BRD3: variants seen among roughly 807,000 people sequenced by gnomAD.
BRD3 encodes bromodomain-containing protein 3.
A neutral mutation model predicts 66.8 loss-of-function variants in BRD3; 17 were observed. The observed-to-expected ratio is 0.25, with a 90% CI of 0.17 to 0.38. BRD3 has a LOEUF of 0.38. BRD3 is among the 10% of genes least tolerant of loss of function. The probability of loss-of-function intolerance (pLI) is 1.00; values close to 1 mark genes in which losing one functional copy is unlikely to be tolerated. For synonymous variants in BRD3, 421 were observed against 393.2 expected (o/e 1.07, Z -0.84); for missense variants, 713 against 956.1 (o/e 0.75, Z 3.35).
chr9:134,042,764 TAC>T (rs1043427352), intron 7 of BRD3, among the ~76,000 whole-genome samples: 11 of 141,064 alleles, frequency 7.8e-5, no homozygotes, highest in Non-Finnish European at 1.2e-4. Context: ...TACACATATA[TAC>T]ACACACACAT....
intron 1 of BRD3, among the ~76,000 whole-genome samples, chr9:134,063,366 G>C (rs1365803182): frequency 6.6e-6 from 1 of 152,204 alleles, no homozygotes; most frequent in Non-Finnish European, 1.5e-5. Context: ...AGCATACCCA[G>C]GGCTCTGTCC....
chr9:134,058,160 C>T lies in BRD3; in HGVS notation c.-113-4570G>A, dbSNP rs931185864. The T allele has an allele frequency of 5.3e-5, 8 of 152,346 alleles. No homozygotes were observed. The South Asian group carries it at 1.7e-3, about 31-fold the overall frequency. 9.4% of individuals were successfully genotyped at this position (152,346 alleles called of 1,614,324 possible). On this transcript the variant is annotated intron_variant, in intron 1 of 11. Transcript: ENST00000303407. ...CTTCCCACCACAGCCCATGCGCAGG[C>T]ATGAGAGTCATGCCTCCCGCAGGCC...
intron 6 of BRD3, among the ~76,000 whole-genome samples, chr9:134,046,775 C>CCAGGA (rs1432068456): frequency 6.6e-6 from 1 of 152,200 alleles, no homozygotes; most frequent in Non-Finnish European, 1.5e-5. Flanking sequence ...CCATGCCATG[C>CCAGGA]CAGGACAGAT....
In BRD3 at chr9:134,033,623, G is replaced by A. The variant is rs143290331; in HGVS notation, c.2148C>T (p.Ser716=). 2.1e-5 allele frequency: 16 copies of A among 770,328 alleles called. No homozygotes were observed. The highest frequency in any genetic ancestry group is 1.7e-4 in the African/African-American group (10 of 59,134). The allele number at this position is 770,328 out of a possible 1,614,324, so 47.7% of individuals were successfully genotyped here. The change falls in exon 12 of 12, where the codon AGC becomes AGT. Residue 716 remains serine (S), a synonymous_variant. Coordinates refer to ENST00000303407, the MANE Select transcript of BRD3 (RefSeq NM_007371.4). The surrounding 1 kb of genome is among the most constrained non-coding windows in gnomAD (Gnocchi z 5.1). ...SSSESGSSSS[S]GSSSDSSDSE ...AGTCACTGCTGTCAGAGCTGGACCC[G>A]CTGGAGCTGCTGCTCCCAGACTCGG...
Position 134,051,719 on chromosome 9 carries a change from C to G in BRD3, c.352-10G>C, listed in dbSNP as rs1830300357. On this transcript the variant is annotated splice_polypyrimidine_tract_variant and intron_variant, in intron 3 of 11. Coordinates refer to ENST00000303407, the MANE Select transcript of BRD3 (RefSeq NM_007371.4). ...CTATGTCATCTGTGGGCTGAAGACA[C>G]AGAGAGTCCAGGTCACGTGTCAGGA... 6.3e-7 allele frequency: 1 copy of G among 1,590,124 alleles called. No individual in the cohort carries two copies. The highest frequency in any genetic ancestry group is 1.4e-5 in the African/African-American group (1 of 73,000).
Position 134,051,674 on chromosome 9 carries a change from TA to T in BRD3, c.386del (p.Leu129Ter). On this transcript the variant is annotated frameshift_variant, in exon 4 of 12. Coordinates refer to ENST00000303407, the MANE Select transcript of BRD3 (RefSeq NM_007371.4). LOFTEE classifies it high-confidence loss of function. ...CCACTTTTTGTAGAAAAATTTTCTC[TA>T]AAGCTTGGGCCATTAGCACTATGTC... ...TDDIVLMAQA[L>X]EKIFLQKVAQ... 6.3e-7 allele frequency: 1 copy of T among 1,587,550 alleles called. No individual in the cohort carries two copies. Among genetic ancestry groups the T allele is most frequent in the Non-Finnish European group, 8.5e-7 (1 of 1,170,804 alleles).
chr9:134,048,391 G>A lies in BRD3; in HGVS notation c.778C>T (p.Arg260Trp), dbSNP rs1463988244. 10 of 1,598,378 alleles carry A rather than the reference G, an allele frequency of 6.3e-6. No individual in the cohort carries two copies. Among genetic ancestry groups the A allele is most frequent in the Admixed American group, 1.7e-5 (1 of 59,996 alleles). The change falls in exon 6 of 12, where the codon CGG (arginine) becomes TGG (tryptophan). Residue 260 changes from arginine to tryptophan, a missense_variant. By Grantham distance (101) the Arg-to-Trp change is moderately radical (BLOSUM62 -3). This residue lies in a region of BRD3 where 418 missense variants were observed against 609.3 expected (regional missense o/e 0.69). Coordinates refer to ENST00000303407, the MANE Select transcript of BRD3 (RefSeq NM_007371.4). ...TPTTSAITAS[R>W]SESPPPLSDP... ...GACAACGGCGGGGGCGACTCACTCC[G>A]GCTGGCAGTGATGGCCGACGTCGTG...
At chr9:134,052,237 C>T in intron 3 of BRD3, 69 bp downstream of exon 3, 2 of 1,576,326 alleles carry the variant, frequency 1.3e-6, no homozygotes, top group Non-Finnish European at 1.7e-6. Flanking sequence ...GCAAAGCGCC[C>T]AGGCCCACTG....
chr9:134,030,740 ATG>A lies in BRD3; in HGVS notation c.*2848_*2849del, dbSNP rs1242215295. The A allele has an allele frequency of 8.6e-6, 2 of 232,100 alleles. No individual in the cohort carries two copies. The highest frequency in any genetic ancestry group is 8.5e-6 in the Non-Finnish European group (1 of 117,304). The allele number at this position is 232,100 out of a possible 1,614,324, so 14.4% of individuals were successfully genotyped here. A position where few individuals can be genotyped will look rare whatever the true frequency, so the allele number is the denominator to read the frequency against. Reference sequence around the variant, plus strand: ...ACAACAAAAACAAACACACAAAAAAATGTGTCTTACAGTTTGTAAGCAAGATG... The same window carrying A: ...ACAACAAAAACAAACACACAAAAAAATGTCTTACAGTTTGTAAGCAAGATG... On this transcript the variant is annotated 3_prime_UTR_variant, in exon 12 of 12. Coordinates refer to ENST00000303407, the MANE Select transcript of BRD3 (RefSeq NM_007371.4).
In BRD3 at chr9:134,045,467, C is replaced by T; in HGVS notation, c.1087-46G>A. ...GGCCAGTGAGCGTGGCCCGTGGCATCAGGACTCTCTGCCACACCCCACGAG... is the reference window on the plus strand; with the variant it reads ...GGCCAGTGAGCGTGGCCCGTGGCATTAGGACTCTCTGCCACACCCCACGAG... On this transcript the variant is annotated intron_variant, in intron 6 of 11. Transcript: ENST00000303407. The surrounding 1 kb of genome is among the most constrained non-coding windows in gnomAD (Gnocchi z 4.8). The T allele has an allele frequency of 1.2e-6, 2 of 1,610,506 alleles. No homozygotes were observed. Among genetic ancestry groups the T allele is most frequent in the Non-Finnish European group, 1.7e-6 (2 of 1,178,218 alleles).
chr9:134,048,086 C>A lies in BRD3; in HGVS notation c.1083G>T (p.Val361=). The change falls in exon 6 of 12, where the codon GTG becomes GTT. Residue 361 remains valine, a synonymous_variant. Transcript: ENST00000303407. ...IIKHPMDLST[V]KRKMDGREYP... is the part of the protein sequence containing the mutation. The stretch of plus-strand genomic sequence containing the variant: ...GGCCTGCCGCGCGGCCACGTACTTT[C>A]ACGGTGCTGAGGTCCATCGGGTGCT... 1 of 1,563,674 alleles carries A rather than the reference C, an allele frequency of 6.4e-7. No homozygotes were observed. Among genetic ancestry groups the A allele is most frequent in the Non-Finnish European group, 8.7e-7 (1 of 1,152,794 alleles).
chr9:134,051,840 T>C lies in BRD3; in HGVS notation c.352-131A>G, dbSNP rs1316182196. The C allele has an allele frequency of 3.7e-6, 3 of 816,622 alleles. No homozygotes were observed. The African/African-American group carries it at 5.8e-5, about 16-fold the overall frequency. The allele number at this position is 816,622 out of a possible 1,614,324, so 50.6% of individuals were successfully genotyped here. A position where few individuals can be genotyped will look rare whatever the true frequency, so the allele number is the denominator to read the frequency against. ...TTTGGCAGCGCAGGAGAGAACAAAA[T>C]GAATATATGTGTGTGTGTGTGTGTG... is the stretch of plus-strand genomic sequence containing the variant. On this transcript the variant is annotated intron_variant, in intron 3 of 11. Coordinates refer to ENST00000303407, the MANE Select transcript of BRD3 (RefSeq NM_007371.4).
rs1353916687 is a variant in BRD3 at position 134,048,357 on chromosome 9, T to C, written c.812A>G (p.Lys271Arg). The C allele has an allele frequency of 6.3e-7, 1 of 1,599,158 alleles. No homozygotes were observed. The highest frequency in any genetic ancestry group is 1.3e-5 in the African/African-American group (1 of 74,932). The change falls in exon 6 of 12, where the codon AAG becomes AGG. Residue 271 changes from lysine (K) to arginine (R), a missense_variant. By Grantham distance (26) the Lys-to-Arg change is conservative. Transcript: ENST00000303407. ...SESPPPLSDP[K>R]QAKVVARRES... ...CCGCCGGGCCACCACTTTGGCCTGCTTGGGGTCTGACAACGGCGGGGGCGA... is the reference window on the plus strand; with the variant it reads ...CCGCCGGGCCACCACTTTGGCCTGCCTGGGGTCTGACAACGGCGGGGGCGA...
In BRD3 at chr9:134,053,335, T is replaced by C; in HGVS notation, c.143A>G (p.Lys48Arg). 1 of 1,613,724 alleles carries C rather than the reference T, an allele frequency of 6.2e-7. No individual in the cohort carries two copies. The highest frequency in any genetic ancestry group is 8.5e-7 in the Non-Finnish European group (1 of 1,180,008). ...QLQYMQNVVV[K>R]TLWKHQFAWP... ...GGCGAACTGGTGTTTCCAGAGCGTC[T>C]TCACCACCACATTCTGCATGTACTG... The change falls in exon 2 of 12, where the codon AAG becomes AGG. Residue 48 changes from lysine (K) to arginine (R), a missense_variant. Lys to Arg is a conservative substitution (Grantham distance 26). Transcript: ENST00000303407.
chr9:134,048,146 C>A lies in BRD3; in HGVS notation c.1023G>T (p.Glu341Asp). The A allele has an allele frequency of 6.2e-7, 1 of 1,609,048 alleles. No homozygotes were observed. Among genetic ancestry groups the A allele is most frequent in the Non-Finnish European group, 8.5e-7 (1 of 1,178,030 alleles). The change falls in exon 6 of 12, where the codon GAG becomes GAT. Residue 341 changes from glutamate (E) to aspartate (D), a missense_variant. Glu to Asp is a conservative substitution (Grantham distance 45). Transcript: ENST00000303407. ...CGTGGTAGTCGTGCAGCTCCAGGGC[C>A]TCGGCATCCACTGGCTTGTAGAAGG... ...AWPFYKPVDA[E>D]ALELHDYHDI...
chr9:134,051,960 G>A (rs1830316076), intron 3 of BRD3, among the ~76,000 whole-genome samples: 1 of 143,620 alleles, frequency 7.0e-6, no homozygotes, highest in East Asian at 2.2e-4. Flanking sequence ...GCATGATCTC[G>A]GCTCACTGCA....
At chr9:134,062,339 G>C (rs1053434842) in intron 1 of BRD3, among the ~76,000 whole-genome samples, 2 of 152,128 alleles carry the variant, frequency 1.3e-5, no homozygotes, top group Admixed American at 6.5e-5. Context: ...GGCTATCCTG[G>C]GGCATGGCCC....
At position 134,036,104 on chromosome 9, in the gene BRD3, T is replaced by G; in HGVS notation, c.1864A>C (p.Lys622Gln). The change falls in exon 10 of 12, where the codon AAA becomes CAA. Residue 622 changes from lysine to glutamine, a missense_variant. By Grantham distance (53) the Lys-to-Gln change is moderately conservative. Coordinates refer to ENST00000303407, the MANE Select transcript of BRD3 (RefSeq NM_007371.4). ...DEIEIDFETL[K>Q]PTTLRELERY... ...TCCAGTTCCCGCAAAGTGGTGGGTT[T>G]CAGAGTCTCAAAGTCAATTTCTATC... is the stretch of plus-strand genomic sequence containing the variant. 6.2e-7 allele frequency: 1 copy of G among 1,614,214 alleles called. No homozygotes were observed.
chr9:134,047,717 G>A lies in BRD3; in HGVS notation c.1086+366C>T, dbSNP rs73560511. Reference sequence around the variant, plus strand: ...CTGCTGTGAGGCGCCTGTATCCGGGGCTTGAGGGAAGCAAAGTGCAGCTTT... The same window carrying A: ...CTGCTGTGAGGCGCCTGTATCCGGGACTTGAGGGAAGCAAAGTGCAGCTTT... On this transcript the variant is annotated intron_variant, in intron 6 of 11. Coordinates refer to ENST00000303407, the MANE Select transcript of BRD3 (RefSeq NM_007371.4). Among the ~76,000 whole-genome samples, 1,464 of 152,346 alleles carry A rather than the reference G, an allele frequency of 9.6e-3. 29 individuals carry two copies. The highest frequency in any genetic ancestry group is 0.033 in the African/African-American group (1,372 of 41,576).
Sources: allele counts gnomAD v4.1 joint callset (sites outside exome capture counted in the v4.1 genomes callset), GRCh38; gene constraint gnomAD v4.1.1; regional missense constraint gnomAD v4.1.1; non-coding constraint Gnocchi (gnomAD v3.1); transcripts MANE v1.5; gene names NCBI Gene and HGNC (gene_info 2026-07-23, HGNC 2026-07-21).